The following THADA variants were observed in gnomAD, a reference collection of about 807,000 sequenced individuals.
THADA encodes tRNA (32-2'-O)-methyltransferase regulator THADA.
A neutral mutation model predicts 219.8 loss-of-function variants in THADA; 213 were observed. That is an observed-to-expected ratio of 0.97 (90% CI 0.87 to 1.09). THADA has a LOEUF of 1.09. Ranked by LOEUF, THADA falls within the 50% of genes least tolerant of loss-of-function variation. The probability of loss-of-function intolerance (pLI) is 0.00; values close to 1 mark genes in which losing one functional copy is unlikely to be tolerated. For synonymous variants in THADA, 1,018 were observed against 828.9 expected (o/e 1.23, Z -3.92); for missense variants, 2,956 against 2,311.3 (o/e 1.28, Z -5.72).
chr2:43,559,304 T>G (rs1209407954), intron 16 of THADA, among the ~76,000 whole-genome samples: 1 of 152,104 alleles, frequency 6.6e-6, no homozygotes, highest in Non-Finnish European at 1.5e-5. Context: ...CAAAAAAGAT[T>G]GATGTTCTGA....
At chr2:43,592,809 A>G (rs1701714106) in intron 1 of THADA, 1 of 154,956 alleles carries the variant, frequency 6.5e-6, no homozygotes, top group Non-Finnish European at 1.4e-5. Flanking sequence ...AAAAACTGGG[A>G]TAGTTTTTCC....
chr2:43,410,905 TATACATTAGAAAA>T (rs1196800519), intron 28 of THADA, among the ~76,000 whole-genome samples: 1 of 152,218 alleles, frequency 6.6e-6, no homozygotes, highest in Non-Finnish European at 1.5e-5. Flanking sequence ...TAATCTTTCA[TATACATTAGAAAA>T]GTTGTTATAC....
intron 27 of THADA, among the ~76,000 whole-genome samples, chr2:43,429,860 A>T (rs554723138): frequency 4.0e-4 from 61 of 152,146 alleles, no homozygotes; most frequent in African/African-American, 1.2e-3. Flanking sequence ...TTAATAAAAA[A>T]GCCAATTTTA....
intron 34 of THADA, among the ~76,000 whole-genome samples, chr2:43,288,505 A>G (rs1037128297): frequency 6.6e-6 from 1 of 152,252 alleles, no homozygotes; most frequent in Non-Finnish European, 1.5e-5. Context: ...TTCTCAGTTT[A>G]TTACAAAGAT....
At chr2:43,389,026 C>T (rs1422083906) in intron 29 of THADA, among the ~76,000 whole-genome samples, 1 of 152,078 alleles carries the variant, frequency 6.6e-6, no homozygotes, top group Non-Finnish European at 1.5e-5. Flanking sequence ...TACTATATAC[C>T]AGAGACCTTG....
In THADA at chr2:43,577,693, T is replaced by C. The variant is rs947857340; in HGVS notation, c.817-451A>G. Reference sequence around the variant, plus strand: ...ATAGCAAGCAAAAAAAGAAATCTACTAGTAAAAAATACAAGGATTGTGGCC... The same window carrying C: ...ATAGCAAGCAAAAAAAGAAATCTACCAGTAAAAAATACAAGGATTGTGGCC... On this transcript the variant is annotated intron_variant, in intron 9 of 37. Coordinates refer to ENST00000405975, the MANE Select transcript of THADA (RefSeq NM_022065.5). Among the ~76,000 whole-genome samples, 5 of 152,188 alleles carry C rather than the reference T, an allele frequency of 3.3e-5. No homozygotes were observed. In the South Asian group the frequency reaches 1.0e-3, roughly 32 times the overall value.
At chr2:43,517,666 T>A (rs574353164) in intron 22 of THADA, among the ~76,000 whole-genome samples, 1 of 152,188 alleles carries the variant, frequency 6.6e-6, no homozygotes. Context: ...CCCGCTTCCA[T>A]GCAACTCTAT....
At chr2:43,369,294 A>T (rs1167354276) in intron 29 of THADA, among the ~76,000 whole-genome samples, 1 of 152,202 alleles carries the variant, frequency 6.6e-6, no homozygotes. Flanking sequence ...CACATGAATG[A>T]CCAGGATCAC....
At chr2:43,470,886 G>T (rs1015284606) in intron 26 of THADA, among the ~76,000 whole-genome samples, 44 of 152,322 alleles carry the variant, frequency 2.9e-4, no homozygotes, top group African/African-American at 1.0e-3. Context: ...GCAAGGAAGA[G>T]ATAATCTCAG....
In THADA at chr2:43,574,690, C is replaced by G. The variant is rs200743409; in HGVS notation, c.1375G>C (p.Gly459Arg). 3.0e-4 allele frequency: 477 copies of G among 1,614,016 alleles called. No homozygotes were observed. The African/African-American group carries it at 5.8e-3, about 20-fold the overall frequency. Residue 459 changes from glycine (G) to arginine (R), a missense_variant, in exon 11 of 38, where the codon GGT (glycine) becomes CGT (arginine). Physicochemically the swap from Gly to Arg is moderately radical, Grantham distance 125. Transcript: ENST00000405975. ...ACTCCTATGCACTCTACCAAACAAC[C>G]AAGGCACGTGTACTTTCCTTTAATA... is the stretch of plus-strand genomic sequence containing the variant. ...WHIKGKYTCLGCLVECIGVEH... is the reference protein window; with the variant it reads ...WHIKGKYTCLRCLVECIGVEH...
intron 30 of THADA, among the ~76,000 whole-genome samples, chr2:43,330,633 G>A (rs566166443): frequency 6.6e-6 from 1 of 152,216 alleles, no homozygotes; most frequent in Non-Finnish European, 1.5e-5. Flanking sequence ...TGTGACCCGG[G>A]AGAACAAACT....
chr2:43,510,566 T>G (rs190774483), intron 22 of THADA, among the ~76,000 whole-genome samples: 4 of 151,926 alleles, frequency 2.6e-5, no homozygotes, highest in African/African-American at 9.7e-5. Context: ...CCTCACACAG[T>G]TGACCAATCA....
rs534076147 is a variant in THADA, at chr2:43,257,907, A to G, written c.5296+21858T>C. On this transcript the variant is annotated intron_variant, in intron 36 of 37. Coordinates refer to ENST00000405975, the MANE Select transcript of THADA (RefSeq NM_022065.5). ...TAAAAGAGAAAGTCCAGAGGCAGGC[A>G]GCTCAGAAGCAGAGAAGCCAGTGGG... Among the ~76,000 whole-genome samples, 3 of 152,310 alleles carry G rather than the reference A, an allele frequency of 2.0e-5. No individual in the cohort carries two copies. In the South Asian group the frequency reaches 6.2e-4, roughly 32 times the overall value.
chr2:43,524,796 A>C lies in THADA; in HGVS notation c.3374+3083T>G, dbSNP rs533742717. Among the ~76,000 whole-genome samples the C allele has an allele frequency of 3.3e-5, 5 of 152,338 alleles. No individual in the cohort carries two copies. In the South Asian group the frequency reaches 1.0e-3, roughly 32 times the overall value. The stretch of plus-strand genomic sequence containing the variant: ...CAGTAACAGCCATGAGAAAATCTTT[A>C]AACTAGATTAGGAGGGGCTAAGATA... On this transcript the variant is annotated intron_variant, in intron 22 of 37. Coordinates refer to ENST00000405975, the MANE Select transcript of THADA (RefSeq NM_022065.5).
intron 35 of THADA, among the ~76,000 whole-genome samples, chr2:43,285,923 C>T (rs1673947062): frequency 6.6e-6 from 1 of 152,174 alleles, no homozygotes. Context: ...CTGAATGCAA[C>T]CAGCAGCCTA....
chr2:43,388,040 T>C (rs1249458013), intron 29 of THADA, among the ~76,000 whole-genome samples: 2 of 152,242 alleles, frequency 1.3e-5, no homozygotes, highest in Non-Finnish European at 2.9e-5. Context: ...CTCAAATACG[T>C]TGGGTGCCAT....
intron 3 of THADA, 68 bp from the exon 4 acceptor site, chr2:43,591,022 C>T: frequency 1.4e-6 from 2 of 1,471,176 alleles, no homozygotes; most frequent in Non-Finnish European, 1.9e-6. Context: ...GTTACAGATA[C>T]TCTTTGAAGT....
chr2:43,359,950 A>G (rs1402100879), intron 29 of THADA, among the ~76,000 whole-genome samples: 1 of 148,598 alleles, frequency 6.7e-6, no homozygotes, highest in African/African-American at 2.5e-5. Flanking sequence ...TTTTTCTATT[A>G]TTAGATATAT....
intron 24 of THADA, among the ~76,000 whole-genome samples, chr2:43,501,220 T>G (rs541584313): frequency 1.4e-5 from 2 of 145,074 alleles, no homozygotes; most frequent in African/African-American, 5.1e-5. Flanking sequence ...GCAGGAGGAT[T>G]GCTTGAACCC....
Sources: gnomAD v4.1 joint callset for allele counts (sites outside exome capture counted in the v4.1 genomes callset) on GRCh38, gnomAD v4.1.1 for gene constraint, MANE v1.5 for transcripts, NCBI Gene and HGNC (gene_info 2026-07-23, HGNC 2026-07-21) for gene names.